Variants in KL observed in about 807,000 individuals in gnomAD.
KL encodes klotho, also known as alpha-klotho.
In KL, 62 loss-of-function variants were observed where a neutral mutation model predicts 84.2. The ratio of observed to expected loss-of-function variants is 0.74; its 90% CI spans 0.60 to 0.91. The LOEUF (loss-of-function observed/expected upper bound fraction) is 0.91. Ranked by LOEUF, KL falls within the 40% of genes least tolerant of loss-of-function variation. KL has a pLI of 0.00. For missense variants in KL, 1,261 were observed against 1,305.7 expected (o/e 0.97, Z 0.53); for synonymous variants, 528 against 528.0 (o/e 1.00, Z 0.00).
chr13:33,022,335 T>C (rs141308518), intron 1 of KL, among the ~76,000 whole-genome samples: 8 of 152,362 alleles, frequency 5.3e-5, no homozygotes, highest in Admixed American at 5.2e-4. Context: ...TTTATTATAA[T>C]TAATTTGTGC....
intron 3 of KL, among the ~76,000 whole-genome samples, chr13:33,057,238 G>A (rs1456459490): frequency 1.3e-5 from 2 of 152,178 alleles, no homozygotes; most frequent in East Asian, 3.9e-4. Context: ...CAATCTCCCA[G>A]CCAGCATTGC....
chr13:33,044,596 ATTTTCTGTTTG>A (rs908374139), intron 1 of KL, among the ~76,000 whole-genome samples: 1 of 86,734 alleles, frequency 1.2e-5, no homozygotes, highest in African/African-American at 4.2e-5. Flanking sequence ...TTTAAAATTT[ATTTTCTGTTTG>A]TTTTCTGTTC....
At chr13:33,054,413 C>T in intron 2 of KL, 136 bp downstream of exon 2, 1 of 905,670 alleles carries the variant, frequency 1.1e-6, no homozygotes, top group South Asian at 1.5e-5. Flanking sequence ...TAGTAGAATG[C>T]ATTCATTTAA....
chr13:33,056,552 T>C (rs1316273758), intron 3 of KL, among the ~76,000 whole-genome samples: 1 of 151,788 alleles, frequency 6.6e-6, no homozygotes, highest in Non-Finnish European at 1.5e-5. Context: ...TCCCAGCACT[T>C]TGGGAGGCCG....
At chr13:33,059,534 A>G (rs1287269216) in intron 3 of KL, among the ~76,000 whole-genome samples, 5 of 151,644 alleles carry the variant, frequency 3.3e-5, no homozygotes, top group Non-Finnish European at 7.4e-5. Flanking sequence ...GTGCAGTGCC[A>G]TGATCCTGGC....
intron 1 of KL, among the ~76,000 whole-genome samples, chr13:33,045,698 C>G (rs560328217): frequency 6.6e-6 from 1 of 152,134 alleles, no homozygotes; most frequent in African/African-American, 2.4e-5. Context: ...AGGCTGCTCT[C>G]GAACTCCTGA....
rs748726818 is a variant in KL, at chr13:33,017,078, C to A, written c.638C>A (p.Ala213Asp). 1.2e-6 allele frequency: 2 copies of A among 1,603,982 alleles called. No homozygotes were observed. The highest frequency in any genetic ancestry group is 1.7e-6 in the Non-Finnish European group (2 of 1,179,116). ...AYGGWANRAL[A>D]DHFRDYAELC... ...GGCGGCTGGGCCAACCGCGCCCTGG[C>A]CGACCACTTCAGGGATTACGCGGAG... The change falls in exon 1 of 5, where the codon GCC (alanine) becomes GAC (aspartate). Residue 213 changes from alanine to aspartate, a missense_variant. By Grantham distance (126) the Ala-to-Asp change is moderately radical (BLOSUM62 -2). Transcript: ENST00000380099.
chr13:33,027,758 C>G (rs898091915), intron 1 of KL, among the ~76,000 whole-genome samples: 1 of 152,146 alleles, frequency 6.6e-6, no homozygotes, highest in African/African-American at 2.4e-5. Flanking sequence ...GACTATCTGC[C>G]CCTACACAAC....
chr13:33,053,267 T>C (rs1871820173), intron 1 of KL, among the ~76,000 whole-genome samples: 1 of 152,170 alleles, frequency 6.6e-6, no homozygotes, highest in Non-Finnish European at 1.5e-5. Context: ...TGTTAGAATT[T>C]TAGCTACGAG....
rs2149860 is a variant in KL, at chr13:33,054,852, A to G, written c.1331-195A>G. On this transcript the variant is annotated intron_variant, in intron 2 of 4. Transcript: ENST00000380099. The stretch of plus-strand genomic sequence containing the variant: ...ATCCAAAAAACATATTAGATAGGCC[A>G]ATTTTGAGGGCATTTATTTGTAGAG... Among the ~76,000 whole-genome samples, 65,890 of 152,020 alleles carry G rather than the reference A, an allele frequency of 0.43. 14,574 individuals are homozygous for G. The highest frequency in any genetic ancestry group is 0.49 in the South Asian group (2,371 of 4,814).
chr13:33,062,362 A>T (rs1038675278), intron 4 of KL, among the ~76,000 whole-genome samples: 1 of 149,332 alleles, frequency 6.7e-6, no homozygotes, highest in African/African-American at 2.5e-5. Flanking sequence ...CCTGGGTGAC[A>T]GAGCAAGACA....
At chr13:33,052,396 C>T (rs1334468504) in intron 1 of KL, among the ~76,000 whole-genome samples, 1 of 152,068 alleles carries the variant, frequency 6.6e-6, no homozygotes, top group African/African-American at 2.4e-5. Flanking sequence ...CGATTAAGAC[C>T]CTGGTTTCTT....
chr13:33,023,399 G>T (rs1055613731), intron 1 of KL, among the ~76,000 whole-genome samples: 10 of 152,110 alleles, frequency 6.6e-5, no homozygotes, highest in Non-Finnish European at 1.5e-5. Flanking sequence ...CTTGAGAAAT[G>T]GTCCTCTTGA....
At chr13:33,027,283 T>C (rs1241258564) in intron 1 of KL, among the ~76,000 whole-genome samples, 2 of 152,172 alleles carry the variant, frequency 1.3e-5, no homozygotes, top group Non-Finnish European at 2.9e-5. Flanking sequence ...TCCTGAGGGG[T>C]GCACCTGTTG....
intron 1 of KL, among the ~76,000 whole-genome samples, chr13:33,029,001 G>T (rs1340804905): frequency 2.1e-4 from 1 of 4,842 alleles, no homozygotes; most frequent in Non-Finnish European, 6.3e-4. Flanking sequence ...TGCCTCTAGA[G>T]AGAACTGGGG....
chr13:33,036,832 G>T (rs529335711), intron 1 of KL, among the ~76,000 whole-genome samples: 1 of 152,010 alleles, frequency 6.6e-6, no homozygotes, highest in Non-Finnish European at 1.5e-5. Flanking sequence ...AGTTGTGTAT[G>T]TTTTACCACA....
rs113939643 is a variant in KL, at chr13:33,021,738, A to G, written c.819+4479A>G. Reference sequence around the variant, plus strand: ...TCTCTACTAAAAATATGGAAAATTCACCAGACGTGGTGGCAGGTGCCTGTA... The same window carrying G: ...TCTCTACTAAAAATATGGAAAATTCGCCAGACGTGGTGGCAGGTGCCTGTA... On this transcript the variant is annotated intron_variant, in intron 1 of 4. Coordinates refer to ENST00000380099, the MANE Select transcript of KL (RefSeq NM_004795.4). 1.6e-3 allele frequency among the ~76,000 whole-genome samples: 241 copies of G among 152,122 alleles called. 1 individual carries two copies. Among genetic ancestry groups the G allele is most frequent in the Non-Finnish European group, 2.8e-3 (193 of 67,982 alleles).
rs1872383019 is a variant in KL at position 33,065,589 on chromosome 13, G to C, written c.*1403G>C. 1 of 181,906 alleles carries C rather than the reference G, an allele frequency of 5.5e-6. No homozygotes were observed. The highest frequency in any genetic ancestry group is 9.1e-5 in the East Asian group (1 of 10,984). 11.3% of individuals were successfully genotyped at this position (181,906 alleles called of 1,614,324 possible). The stretch of plus-strand genomic sequence containing the variant: ...ACTATATAATATATCATCTTTAGAG[G>C]TATGATTTTTTCATGAAAGATAAGC... On this transcript the variant is annotated 3_prime_UTR_variant, in exon 5 of 5. Transcript: ENST00000380099.
intron 1 of KL, among the ~76,000 whole-genome samples, chr13:33,039,083 G>A (rs1871245415): frequency 6.6e-6 from 1 of 152,066 alleles, no homozygotes; most frequent in Admixed American, 6.5e-5. Context: ...TTTTACATCT[G>A]TACATATGAT....
Sources: allele counts gnomAD v4.1 joint callset (sites outside exome capture counted in the v4.1 genomes callset), GRCh38; gene constraint gnomAD v4.1.1; transcripts MANE v1.5; gene names NCBI Gene and HGNC (gene_info 2026-07-23, HGNC 2026-07-21).